Variants in MYT1L observed in about 807,000 individuals in gnomAD.
MYT1L encodes the protein myelin transcription factor 1-like protein.
A neutral mutation model predicts 126.7 loss-of-function variants in MYT1L; 12 were observed. That is an observed-to-expected ratio of 0.09 (90% confidence interval 0.06 to 0.15). The LOEUF (loss-of-function observed/expected upper bound fraction) is 0.15, where lower values mean the gene tolerates loss of function less well. MYT1L is among the 10% of genes least tolerant of loss of function. The probability of loss-of-function intolerance (pLI) is 1.00; values close to 1 mark genes in which losing one functional copy is unlikely to be tolerated. For missense variants in MYT1L, 979 were observed against 1,585.2 expected (o/e 0.62, Z 6.49); for synonymous variants, 541 against 604.2 (o/e 0.90, Z 1.53).
At chr2:2,233,771 G>A (rs941305146) in intron 2 of MYT1L, among the ~76,000 whole-genome samples, 1 of 152,200 alleles carries the variant, frequency 6.6e-6, no homozygotes, top group African/African-American at 2.4e-5. Context: ...GTTGAACCAA[G>A]GCAGCCCCTG....
intron 8 of MYT1L, among the ~76,000 whole-genome samples, chr2:1,946,311 C>T (rs966279711): frequency 2.0e-5 from 3 of 152,084 alleles, no homozygotes; most frequent in African/African-American, 7.2e-5. Flanking sequence ...TCATATATTA[C>T]ACTGTAGTAA....
Position 1,791,757 on chromosome 2 carries a change from CTG to C in MYT1L, c.*108_*109del, listed in dbSNP as rs2032130762. 1.4e-5 allele frequency: 15 copies of C among 1,109,688 alleles called. No homozygotes were observed. The highest frequency in any genetic ancestry group is 2.7e-5 in the Admixed American group (1 of 36,708). 68.7% of individuals were successfully genotyped at this position (1,109,688 alleles called of 1,614,324 possible). A position where few individuals can be genotyped will look rare whatever the true frequency, so the allele number is the denominator to read the frequency against. On this transcript the variant is annotated 3_prime_UTR_variant, in exon 25 of 25. Coordinates refer to ENST00000647738, the MANE Select transcript of MYT1L (RefSeq NM_001303052.2). The surrounding 1 kb of genome is among the most constrained non-coding windows in gnomAD (Gnocchi z 6.0). ...ATTATGAAGTCTTGTAAGCATAACA[CTG>C]TTTCAAATTCAAACAGAAATAAATA...
chr2:2,306,374 C>T (rs1169493700), intron 1 of MYT1L, among the ~76,000 whole-genome samples: 1 of 152,104 alleles, frequency 6.6e-6, no homozygotes, highest in African/African-American at 2.4e-5. Context: ...ACAGAACATA[C>T]ATAAGTAGGT....
chr2:2,169,715 C>T (rs1421046941), intron 3 of MYT1L, among the ~76,000 whole-genome samples: 1 of 152,142 alleles, frequency 6.6e-6, no homozygotes, highest in African/African-American at 2.4e-5. Context: ...TCCCACCCCA[C>T]CCGGTTGTGT....
intron 3 of MYT1L, among the ~76,000 whole-genome samples, chr2:2,081,977 G>A (rs1224070927): frequency 5.9e-5 from 9 of 152,048 alleles, no homozygotes; most frequent in Non-Finnish European, 8.8e-5. Flanking sequence ...TCCTGACCTC[G>A]TGATCTGCCT....
intron 1 of MYT1L, among the ~76,000 whole-genome samples, chr2:2,295,424 G>A (rs538042805): frequency 6.6e-6 from 1 of 152,254 alleles, no homozygotes; most frequent in African/African-American, 2.4e-5. Flanking sequence ...CCACCCAGCT[G>A]TGGCAAGAGG....
chr2:1,849,523 T>C (rs1484411747), intron 19 of MYT1L, among the ~76,000 whole-genome samples: 2 of 152,210 alleles, frequency 1.3e-5, no homozygotes, highest in Non-Finnish European at 2.9e-5. Context: ...CAGGGGACAC[T>C]CAGCAGTGAC....
At chr2:1,834,504 C>G (rs1357948717) in intron 21 of MYT1L, among the ~76,000 whole-genome samples, 1 of 152,162 alleles carries the variant, frequency 6.6e-6, no homozygotes, top group African/African-American at 2.4e-5. Context: ...ATTATTCAGT[C>G]TCAAAAGGGA....
At chr2:2,061,146 G>A (rs371899481) in intron 3 of MYT1L, among the ~76,000 whole-genome samples, 4 of 152,136 alleles carry the variant, frequency 2.6e-5, no homozygotes, top group Non-Finnish European at 4.4e-5. Context: ...ATCCTTGCTA[G>A]TTTGTATTTT....
At chr2:2,202,676 C>T (rs2093135977) in intron 2 of MYT1L, among the ~76,000 whole-genome samples, 1 of 152,098 alleles carries the variant, frequency 6.6e-6, no homozygotes, top group Non-Finnish European at 1.5e-5. Context: ...GATTCACAGC[C>T]GAATTCTACC....
intron 18 of MYT1L, among the ~76,000 whole-genome samples, chr2:1,875,938 C>A (rs1242732723): frequency 6.6e-6 from 1 of 152,126 alleles, no homozygotes; most frequent in Admixed American, 6.5e-5. Context: ...TCATGTGTTA[C>A]AGGAAAAACG....
In MYT1L at chr2:1,979,357, A is replaced by G. The variant is rs995762337; in HGVS notation, c.90-130T>C. 3.6e-6 allele frequency: 4 copies of G among 1,098,904 alleles called. No homozygotes were observed. Among genetic ancestry groups the G allele is most frequent in the Non-Finnish European group, 5.4e-6 (4 of 734,150 alleles). The allele number at this position is 1,098,904 out of a possible 1,614,324, so 68.1% of individuals were successfully genotyped here. ...AATCACACAATCCAAAGGAGGGGGA[A>G]ATTCGGGGAGGCTTTTTACGAGCAA... is the stretch of plus-strand genomic sequence containing the variant. On this transcript the variant is annotated intron_variant, in intron 7 of 24. Coordinates refer to ENST00000647738, the MANE Select transcript of MYT1L (RefSeq NM_001303052.2). The surrounding 1 kb of genome is among the most constrained non-coding windows in gnomAD (Gnocchi z 4.0).
chr2:2,144,088 C>A (rs554262537), intron 3 of MYT1L, among the ~76,000 whole-genome samples: 1 of 152,208 alleles, frequency 6.6e-6, no homozygotes, highest in East Asian at 1.9e-4. Context: ...ACATGTACCC[C>A]CTAAAATCTA....
At chr2:2,211,713 G>A (rs2093515616) in intron 2 of MYT1L, among the ~76,000 whole-genome samples, 1 of 150,022 alleles carries the variant, frequency 6.7e-6, no homozygotes, top group Non-Finnish European at 1.5e-5. Context: ...GCTGAGGCAG[G>A]AGAATCGCTT....
intron 8 of MYT1L, among the ~76,000 whole-genome samples, chr2:1,946,329 A>T (rs2057219292): frequency 6.6e-6 from 1 of 152,150 alleles, no homozygotes; most frequent in Non-Finnish European, 1.5e-5. Flanking sequence ...TAATAAAAAT[A>T]AAGTGCACAA....
At chr2:2,242,388 C>G (rs190666791) in intron 2 of MYT1L, among the ~76,000 whole-genome samples, 20 of 152,292 alleles carry the variant, frequency 1.3e-4, no homozygotes, top group Admixed American at 1.2e-3. Flanking sequence ...TTAGTATAAA[C>G]TATAAATTTT....
At chr2:2,118,083 TTATATTATTGAATATTA>T (rs1174364723) in intron 3 of MYT1L, among the ~76,000 whole-genome samples, 2 of 149,622 alleles carry the variant, frequency 1.3e-5, no homozygotes, top group Non-Finnish European at 3.0e-5. Flanking sequence ...AATAACATTT[TTATATTATTGAATATTA>T]TTTATATTTT....
chr2:1,879,931 G>T (rs992692938), intron 18 of MYT1L, among the ~76,000 whole-genome samples: 2 of 152,160 alleles, frequency 1.3e-5, no homozygotes, highest in East Asian at 3.8e-4. Flanking sequence ...ATTTTGAAAT[G>T]AAAGAATGGA....
At chr2:1,909,380 G>T in intron 13 of MYT1L, among the ~76,000 whole-genome samples, 1 of 152,170 alleles carries the variant, frequency 6.6e-6, no homozygotes, top group Non-Finnish European at 1.5e-5. Context: ...TGGCACTGAG[G>T]GGTACATCTG....
Sources: allele counts gnomAD v4.1 joint callset (sites outside exome capture counted in the v4.1 genomes callset), GRCh38; gene constraint gnomAD v4.1.1; non-coding constraint Gnocchi (gnomAD v3.1); transcripts MANE v1.5; gene names NCBI Gene and HGNC (gene_info 2026-07-23, HGNC 2026-07-21).